Variants in ZNF385B observed in about 807,000 individuals in gnomAD.
The protein encoded by ZNF385B is zinc finger protein 385B, also known as zinc finger protein 533.
In ZNF385B, 23 loss-of-function variants were observed where a neutral mutation model predicts 39.2. The observed-to-expected ratio is 0.59, with a 90% CI of 0.42 to 0.83. ZNF385B has a LOEUF of 0.83. Among genes scored for constraint, ZNF385B ranks in the 40% least tolerant of loss-of-function variants. The pLI is 0.00. For missense variants in ZNF385B, 552 were observed against 598.9 expected (o/e 0.92, Z 0.82); for synonymous variants, 205 against 222.6 (o/e 0.92, Z 0.70).
At chr2:179,722,108 TAGC>T (rs1700733009) in intron 3 of ZNF385B, among the ~76,000 whole-genome samples, 2 of 152,206 alleles carry the variant, frequency 1.3e-5, no homozygotes, top group South Asian at 4.1e-4. Context: ...TCACTTAAAA[TAGC>T]AGCAGAGCAT....
chr2:179,710,415 G>A (rs1315579131), intron 3 of ZNF385B, among the ~76,000 whole-genome samples: 3 of 152,178 alleles, frequency 2.0e-5, no homozygotes, highest in African/African-American at 7.2e-5. Flanking sequence ...TGGAGGAAGG[G>A]CCTAGAACAG....
At chr2:179,796,282 A>G (rs1016279638) in intron 1 of ZNF385B, 3 of 152,150 alleles carry the variant, frequency 2.0e-5, no homozygotes, top group African/African-American at 7.2e-5. Flanking sequence ...AAGATGTTAT[A>G]AGCTCCCCTA....
rs981676262 is a variant in ZNF385B, at chr2:179,769,826, T to G, written c.-2-24A>C. ...GCCTGAAAAACAAAACAAGTACAAG[T>G]GCTTCTGAAATGATATATGCCTTAT... On this transcript the variant is annotated intron_variant, in intron 2 of 9. Transcript: ENST00000410066. The G allele has an allele frequency of 4.5e-6, 7 of 1,567,570 alleles. No individual in the cohort carries two copies. The African/African-American group carries it at 5.4e-5, about 12-fold the overall frequency.
At chr2:179,640,933 G>C (rs930891662) in intron 3 of ZNF385B, among the ~76,000 whole-genome samples, 1 of 152,088 alleles carries the variant, frequency 6.6e-6, no homozygotes, top group Admixed American at 6.6e-5. Flanking sequence ...CCGATTTCCA[G>C]TTTCAAAGTT....
chr2:179,581,130 CA>C (rs1686462428), intron 3 of ZNF385B, among the ~76,000 whole-genome samples: 1 of 152,144 alleles, frequency 6.6e-6, no homozygotes, highest in Non-Finnish European at 1.5e-5. Context: ...CAAATTATGG[CA>C]AAAGCTTGAA....
At chr2:179,702,765 T>C (rs947408028) in intron 3 of ZNF385B, among the ~76,000 whole-genome samples, 1 of 152,202 alleles carries the variant, frequency 6.6e-6, no homozygotes, top group African/African-American at 2.4e-5. Flanking sequence ...AGTATGAGTC[T>C]GAAATTAGGC....
intron 3 of ZNF385B, among the ~76,000 whole-genome samples, chr2:179,567,020 T>G (rs1429994060): frequency 2.0e-5 from 3 of 151,670 alleles, no homozygotes; most frequent in Admixed American, 6.6e-5. Flanking sequence ...GTTTAAGTGA[T>G]TCTCCCTGCT....
At chr2:179,752,313 T>C (rs1241973539) in intron 3 of ZNF385B, among the ~76,000 whole-genome samples, 1 of 152,216 alleles carries the variant, frequency 6.6e-6, no homozygotes, top group Non-Finnish European at 1.5e-5. Flanking sequence ...ATATGCCACA[T>C]TTTCTTAATC....
At chr2:179,841,155 G>T (rs2106615284) in intron 1 of ZNF385B, among the ~76,000 whole-genome samples, 1 of 152,324 alleles carries the variant, frequency 6.6e-6, no homozygotes, top group Middle Eastern at 3.4e-3. Context: ...AGAGAAAAAG[G>T]TAATCAATTC....
At chr2:179,668,534 T>G (rs1695478465) in intron 3 of ZNF385B, among the ~76,000 whole-genome samples, 3 of 126,400 alleles carry the variant, frequency 2.4e-5, no homozygotes, top group Non-Finnish European at 5.1e-5. Flanking sequence ...GTGCATTTTC[T>G]CTATTTTTGT....
rs1402070466 is a variant in ZNF385B at position 179,794,199 on chromosome 2, G to T, written c.-154-23527C>A. 1.6e-4 allele frequency among the ~76,000 whole-genome samples: 24 copies of T among 152,112 alleles called. 1 individual carries two copies. Among genetic ancestry groups the T allele is most frequent in the Admixed American group, 1.6e-3 (24 of 15,272 alleles). ...TCTATAGAAATCCATCTCCCTCTGG[G>T]AAATCACTCTGGTTAACTCAACATC... On this transcript the variant is annotated intron_variant, in intron 1 of 9. Coordinates refer to ENST00000410066, the MANE Select transcript of ZNF385B (RefSeq NM_152520.6).
rs142383547 is a variant in ZNF385B at position 179,825,540 on chromosome 2, G to A, written c.-155+35561C>T. On this transcript the variant is annotated intron_variant, in intron 1 of 9. Coordinates refer to ENST00000410066, the MANE Select transcript of ZNF385B (RefSeq NM_152520.6). ...ATAACCACCCCCCAGTATTCTAACA[G>A]TTTAAAGGCAAGATTTAAAAGCATC... Among the ~76,000 whole-genome samples the A allele has an allele frequency of 5.6e-3, 854 of 152,236 alleles. 13 individuals are homozygous for A. Among genetic ancestry groups the A allele is most frequent in the African/African-American group, 0.02 (828 of 41,544 alleles).
chr2:179,631,620 G>A (rs1359451342), intron 3 of ZNF385B, among the ~76,000 whole-genome samples: 1 of 152,134 alleles, frequency 6.6e-6, no homozygotes. Flanking sequence ...CAACTAAGGA[G>A]CAAAATAAAC....
At chr2:179,847,905 C>T (rs1168918788) in intron 1 of ZNF385B, among the ~76,000 whole-genome samples, 1 of 152,010 alleles carries the variant, frequency 6.6e-6, no homozygotes, top group Non-Finnish European at 1.5e-5. Flanking sequence ...TTTTAAGAGT[C>T]TACTTCAACA....
intron 3 of ZNF385B, among the ~76,000 whole-genome samples, chr2:179,752,855 T>A (rs988655873): frequency 1.3e-5 from 2 of 152,106 alleles, no homozygotes; most frequent in Non-Finnish European, 2.9e-5. Flanking sequence ...ATGAGTAGAT[T>A]GCAAAAATTT....
intron 3 of ZNF385B, among the ~76,000 whole-genome samples, chr2:179,687,366 A>C (rs531658731): frequency 6.6e-6 from 1 of 152,220 alleles, no homozygotes; most frequent in Non-Finnish European, 1.5e-5. Context: ...CCAGGTCCAC[A>C]GACTCATCTG....
At chr2:179,583,941 A>G in intron 3 of ZNF385B, 1 of 1,304,152 alleles carries the variant, frequency 7.7e-7, no homozygotes, top group Non-Finnish European at 1.0e-6. Flanking sequence ...ACCATCCATC[A>G]ACATACCCAC....
At chr2:179,853,011 A>G (rs1481170920) in intron 1 of ZNF385B, among the ~76,000 whole-genome samples, 1 of 152,202 alleles carries the variant, frequency 6.6e-6, no homozygotes, top group Non-Finnish European at 1.5e-5. Flanking sequence ...TATGAAAGTT[A>G]GATTGACCCT....
At chr2:179,707,871 G>A (rs776365287) in intron 3 of ZNF385B, among the ~76,000 whole-genome samples, 4 of 152,178 alleles carry the variant, frequency 2.6e-5, no homozygotes, top group Non-Finnish European at 4.4e-5. Context: ...TGGTCAGACT[G>A]GGGCAGAAGC....
Sources: gnomAD v4.1 joint callset for allele counts (sites outside exome capture counted in the v4.1 genomes callset) on GRCh38, gnomAD v4.1.1 for gene constraint, MANE v1.5 for transcripts, NCBI Gene and HGNC (gene_info 2026-07-23, HGNC 2026-07-21) for gene names.